Variants in RAB7B observed in about 807,000 individuals in gnomAD.
RAB7B encodes RAB7B, member RAS oncogene family.
intron 1 of RAB7B, chr1:205,994,415 C>G: frequency 3.9e-6 from 1 of 256,990 alleles, no homozygotes; most frequent in Non-Finnish European, 7.4e-6. Context: ...ACCAACCCTG[C>G]TCTTGGAGGC....
chr1:205,983,155 T>C (rs974897783), intron 5 of RAB7B, among the ~76,000 whole-genome samples: 1 of 152,168 alleles, frequency 6.6e-6, no homozygotes, highest in African/African-American at 2.4e-5. Flanking sequence ...TCACTAACTA[T>C]GTCCCCGTGC....
At chr1:205,992,397 T>C in intron 4 of RAB7B, 83 bp downstream of exon 4, 1 of 398,116 alleles carries the variant, frequency 2.5e-6, no homozygotes, top group East Asian at 3.6e-5. Flanking sequence ...TTCAGCTCTG[T>C]ATGTGTGGGA....
chr1:205,999,097 G>A (rs1660852011), intron 1 of RAB7B, among the ~76,000 whole-genome samples: 2 of 152,168 alleles, frequency 1.3e-5, no homozygotes, highest in Admixed American at 6.5e-5. Flanking sequence ...ACTAGAATGA[G>A]ACTCACACGC....
chr1:205,978,508 G>C lies in RAB7B; in HGVS notation c.*343C>G, dbSNP rs982764665. On this transcript the variant is annotated 3_prime_UTR_variant, in exon 6 of 6. Transcript: ENST00000617070. ...TGTAACCAGACTCCAATCAGTGGCCGGTCTGCGGAGATGTGTGTTCTGGAG... is the reference window on the plus strand; with the variant it reads ...TGTAACCAGACTCCAATCAGTGGCCCGTCTGCGGAGATGTGTGTTCTGGAG... 1 of 194,224 alleles carries C rather than the reference G, an allele frequency of 5.1e-6. No individual in the cohort carries two copies. The highest frequency in any genetic ancestry group is 1.2e-4 in the East Asian group (1 of 8,500). The allele number at this position is 194,224 out of a possible 1,614,324, so 12.0% of individuals were successfully genotyped here. A position where few individuals can be genotyped will look rare whatever the true frequency, so the allele number is the denominator to read the frequency against.
At chr1:205,992,791 G>A (rs1660748118) in intron 3 of RAB7B, 96 bp from the exon 4 acceptor site, 1 of 397,698 alleles carries the variant, frequency 2.5e-6, no homozygotes, top group Non-Finnish European at 4.4e-6. Context: ...TTGCTGGGTA[G>A]GGAGCAGCAG....
chr1:205,980,680 C>G (rs1432842000), intron 5 of RAB7B, among the ~76,000 whole-genome samples: 1 of 152,238 alleles, frequency 6.6e-6, no homozygotes, highest in Non-Finnish European at 1.5e-5. Flanking sequence ...GCCCACTTCC[C>G]TCCACTGGAT....
intron 4 of RAB7B, among the ~76,000 whole-genome samples, chr1:205,986,129 T>C (rs2102634917): frequency 6.6e-6 from 1 of 152,334 alleles, no homozygotes; most frequent in African/African-American, 2.4e-5. Flanking sequence ...CAGCCAGGAA[T>C]GGCAGGAAGG....
intron 4 of RAB7B, 79 bp from the exon 5 acceptor site, chr1:205,985,744 ATCCCCATCAG>A: frequency 2.8e-6 from 1 of 354,584 alleles, no homozygotes; most frequent in Non-Finnish European, 4.9e-6. Flanking sequence ...CATCCCCACC[ATCCCCATCAG>A]GCCCACCATC....
rs1025421365 is a variant in RAB7B, at chr1:205,998,576, C to A, written c.-16-4425G>T. On this transcript the variant is annotated intron_variant, in intron 1 of 5. Transcript: ENST00000617070. ...GTGGGGGTGGAGAGAACTGGAGCTG[C>A]CCAACAGGAGCTATGTGTGAGGACT... 2.0e-5 allele frequency among the ~76,000 whole-genome samples: 3 copies of A among 152,278 alleles called. No individual in the cohort carries two copies. The East Asian group carries it at 5.8e-4, about 29-fold the overall frequency.
At chr1:205,988,434 C>T (rs1660656233) in intron 4 of RAB7B, among the ~76,000 whole-genome samples, 1 of 152,026 alleles carries the variant, frequency 6.6e-6, no homozygotes, top group African/African-American at 2.4e-5. Flanking sequence ...GGGGTCTTGA[C>T]ATGTTGCCCA....
chr1:206,000,769 G>A (rs1280979479), intron 1 of RAB7B, among the ~76,000 whole-genome samples: 1 of 152,204 alleles, frequency 6.6e-6, no homozygotes, highest in African/African-American at 2.4e-5. Flanking sequence ...CGTGGAGCCT[G>A]CTCCAGCACA....
At position 205,986,863 on chromosome 1, in the gene RAB7B, C is replaced by T. The variant is rs947019398; in HGVS notation, c.397-1198G>A. ...CCCTCTCCCAGAACACAGTGCAGGC[C>T]GAGGCAAATCAAACACTGCCCCTGT... On this transcript the variant is annotated intron_variant, in intron 4 of 5. Transcript: ENST00000617070. Among the ~76,000 whole-genome samples the T allele has an allele frequency of 1.2e-3, 179 of 152,122 alleles. 1 individual carries two copies. The highest frequency in any genetic ancestry group is 4.0e-3 in the African/African-American group (165 of 41,504).
At chr1:205,981,057 T>C (rs909245590) in intron 5 of RAB7B, among the ~76,000 whole-genome samples, 3 of 152,060 alleles carry the variant, frequency 2.0e-5, no homozygotes, top group South Asian at 2.1e-4. Flanking sequence ...TGTGCCACCA[T>C]GCCCACCTAG....
intron 1 of RAB7B, among the ~76,000 whole-genome samples, chr1:205,996,500 A>C (rs895991953): frequency 7.6e-4 from 116 of 152,316 alleles, no homozygotes; most frequent in African/African-American, 2.8e-3. Context: ...AGAATGAGCC[A>C]GCTGAGCCCC....
intron 5 of RAB7B, among the ~76,000 whole-genome samples, chr1:205,980,202 C>T (rs1015226179): frequency 1.3e-5 from 2 of 152,254 alleles, no homozygotes; most frequent in African/African-American, 2.4e-5. Context: ...TCTCACCCCC[C>T]ACCCTGGTAG....
chr1:205,987,446 C>T (rs1660630900), intron 4 of RAB7B, among the ~76,000 whole-genome samples: 1 of 152,206 alleles, frequency 6.6e-6, no homozygotes, highest in South Asian at 2.1e-4. Context: ...GGAGGCCAAA[C>T]ATTTGACAAA....
Position 205,978,774 on chromosome 1 carries a change from T to C in RAB7B, c.*77A>G. The C allele has an allele frequency of 2.5e-6, 1 of 398,048 alleles. No individual in the cohort carries two copies. The highest frequency in any genetic ancestry group is 4.4e-6 in the Non-Finnish European group (1 of 225,850). The allele number at this position is 398,048 out of a possible 1,614,324, so 24.7% of individuals were successfully genotyped here. ...AGGCAGTGGGGCTGGAGGGGGATGGTCACCTGTTCTCAAGCCTGGGGTGAC... is the reference window on the plus strand; with the variant it reads ...AGGCAGTGGGGCTGGAGGGGGATGGCCACCTGTTCTCAAGCCTGGGGTGAC... On this transcript the variant is annotated 3_prime_UTR_variant, in exon 6 of 6. Coordinates refer to ENST00000617070, the MANE Select transcript of RAB7B (RefSeq NM_001164522.3).
chr1:205,999,182 G>A (rs1299032160), intron 1 of RAB7B, among the ~76,000 whole-genome samples: 2 of 152,156 alleles, frequency 1.3e-5, no homozygotes, highest in South Asian at 2.1e-4. Flanking sequence ...GGCCAGCGGC[G>A]TGCTTAGGAA....
At chr1:205,998,617 G>A (rs1160854800) in intron 1 of RAB7B, among the ~76,000 whole-genome samples, 1 of 152,242 alleles carries the variant, frequency 6.6e-6, no homozygotes, top group African/African-American at 2.4e-5. Context: ...CAGGGTCAGA[G>A]ACGCGGCATG....
Sources: gnomAD v4.1 joint callset for allele counts (sites outside exome capture counted in the v4.1 genomes callset) on GRCh38, gnomAD v4.1.1 for gene constraint, MANE v1.5 for transcripts, NCBI Gene and HGNC (gene_info 2026-07-23, HGNC 2026-07-21) for gene names.